The following ANKS1B variants were observed in gnomAD, a reference collection of about 807,000 sequenced individuals.
ANKS1B encodes ankyrin repeat and sterile alpha motif domain containing 1B.
A neutral mutation model predicts 148.3 loss-of-function variants in ANKS1B; 36 were observed. The ratio of observed to expected loss-of-function variants is 0.24; its 90% CI spans 0.19 to 0.32. ANKS1B has a LOEUF of 0.32. Ranked by LOEUF, ANKS1B falls within the 10% of genes least tolerant of loss-of-function variation. The probability of loss-of-function intolerance (pLI) is 1.00; values close to 1 mark genes in which losing one functional copy is unlikely to be tolerated. For synonymous variants in ANKS1B, 542 were observed against 560.8 expected, an observed-to-expected ratio of 0.97 and a Z score of 0.47; for missense variants, 1,157 against 1,542.6, an observed-to-expected ratio of 0.75 and a Z score of 4.19.
intron 14 of ANKS1B, among the ~76,000 whole-genome samples, chr12:99,241,002 G>A (rs1262677131): frequency 6.6e-6 from 1 of 152,042 alleles, no homozygotes; most frequent in African/African-American, 2.4e-5. Flanking sequence ...AGAAACAAGA[G>A]CAAACAAATT....
chr12:99,373,216 G>A (rs2093233657), intron 12 of ANKS1B, among the ~76,000 whole-genome samples: 1 of 152,122 alleles, frequency 6.6e-6, no homozygotes, highest in Non-Finnish European at 1.5e-5. Flanking sequence ...TGTTCCCAAG[G>A]AAAGGGCAGG....
chr12:99,360,814 C>T (rs1013890916), intron 12 of ANKS1B, among the ~76,000 whole-genome samples: 3 of 151,982 alleles, frequency 2.0e-5, no homozygotes, highest in African/African-American at 4.8e-5. Flanking sequence ...TAAGATTTTG[C>T]GGTTTACTGG....
chr12:99,061,851 T>A (rs1240792181), intron 16 of ANKS1B, among the ~76,000 whole-genome samples: 1 of 152,204 alleles, frequency 6.6e-6, no homozygotes, highest in Non-Finnish European at 1.5e-5. Context: ...AAGCTTCATT[T>A]CCTTTAACTG....
At chr12:99,344,593 A>C (rs1259563006) in intron 12 of ANKS1B, among the ~76,000 whole-genome samples, 1 of 152,080 alleles carries the variant, frequency 6.6e-6, no homozygotes. Context: ...TAGATATCAA[A>C]GATTTATAAT....
In ANKS1B at chr12:99,139,430, C is replaced by CT. The variant is rs1368347401; in HGVS notation, c.2526+14858dup. ...TCTTTCTTTCTTTCTTTCTTTCTTT[C>CT]TTTCTTTCTTTTTCTTTCTTTCTTT... is the stretch of plus-strand genomic sequence containing the variant. On this transcript the variant is annotated intron_variant, in intron 15 of 26. Coordinates refer to ENST00000683438, the MANE Select transcript of ANKS1B (RefSeq NM_001352186.2). Among the ~76,000 whole-genome samples, 5 of 9,250 alleles carry CT rather than the reference C, an allele frequency of 5.4e-4. 1 individual carries two copies. In the African/African-American group the frequency reaches 9.7e-3, roughly 18 times the overall value. 6.1% of individuals were successfully genotyped at this position (9,250 alleles called of 152,430 possible).
intron 12 of ANKS1B, among the ~76,000 whole-genome samples, chr12:99,321,969 A>T (rs766639802): frequency 8.5e-5 from 13 of 152,204 alleles, no homozygotes; most frequent in Non-Finnish European, 1.6e-4. Context: ...AAGATCTAGA[A>T]GCAGAAATAC....
chr12:99,066,369 G>T (rs1025961307), intron 16 of ANKS1B, among the ~76,000 whole-genome samples: 1 of 152,030 alleles, frequency 6.6e-6, no homozygotes, highest in African/African-American at 2.4e-5. Flanking sequence ...CTGTGTTGAG[G>T]GTGAAGATTT....
At chr12:99,576,872 A>G (rs376749394) in intron 9 of ANKS1B, among the ~76,000 whole-genome samples, 11 of 151,952 alleles carry the variant, frequency 7.2e-5, no homozygotes, top group African/African-American at 2.7e-4. Context: ...GGTACTGAGC[A>G]TAGTACCCAA....
intron 9 of ANKS1B, among the ~76,000 whole-genome samples, chr12:99,621,458 T>A (rs1598295315): frequency 1.5e-5 from 2 of 136,892 alleles, no homozygotes; most frequent in African/African-American, 2.9e-5. Flanking sequence ...GAGAGGCAAA[T>A]TGGAAAAAAA....
chr12:99,438,941 A>T (rs954536646), intron 11 of ANKS1B, among the ~76,000 whole-genome samples: 1 of 151,906 alleles, frequency 6.6e-6, no homozygotes, highest in Non-Finnish European at 1.5e-5. Flanking sequence ...TTATAAGATG[A>T]CATAAAAGAA....
At chr12:98,935,622 G>A (rs1431109471) in intron 17 of ANKS1B, among the ~76,000 whole-genome samples, 2 of 152,154 alleles carry the variant, frequency 1.3e-5, no homozygotes, top group Admixed American at 1.3e-4. Context: ...TCTTTGTTAG[G>A]AGGTTTTTAT....
In ANKS1B at chr12:99,957,964, T is replaced by G. The variant is rs116111040; in HGVS notation, c.134+26140A>C. Among the ~76,000 whole-genome samples, 411 of 152,326 alleles carry G rather than the reference T, an allele frequency of 2.7e-3. 1 individual carries two copies. Among genetic ancestry groups the G allele is most frequent in the African/African-American group, 9.5e-3 (394 of 41,574 alleles). ...ACCAAAGTTTCAGACTTAAAGGAAC[T>G]CATTGTCTAGTGGGAAGGCAAACAT... is the stretch of plus-strand genomic sequence containing the variant. On this transcript the variant is annotated intron_variant, in intron 1 of 26. Coordinates refer to ENST00000683438, the MANE Select transcript of ANKS1B (RefSeq NM_001352186.2).
In ANKS1B at chr12:99,335,856, T is replaced by G. The variant is rs1603099910; in HGVS notation, c.1756+63775A>C. ...TAGCTATCTCTTCAATATACTAATT[T>G]CCTTTCCTTGGGGAATATACTTAGC... On this transcript the variant is annotated intron_variant, in intron 12 of 26. Coordinates refer to ENST00000683438, the MANE Select transcript of ANKS1B (RefSeq NM_001352186.2). Among the ~76,000 whole-genome samples the G allele has an allele frequency of 2.0e-5, 3 of 152,274 alleles. No individual in the cohort carries two copies. In the South Asian group the frequency reaches 6.2e-4, roughly 32 times the overall value.
At chr12:99,271,566 C>T (rs1334684929) in intron 12 of ANKS1B, among the ~76,000 whole-genome samples, 1 of 149,168 alleles carries the variant, frequency 6.7e-6, no homozygotes, top group Non-Finnish European at 1.5e-5. Context: ...AGAGAAGGGG[C>T]CATAACATCA....
chr12:99,653,846 TA>T (rs1486565056), intron 9 of ANKS1B, among the ~76,000 whole-genome samples: 1 of 152,046 alleles, frequency 6.6e-6, no homozygotes, highest in Admixed American at 6.6e-5. Context: ...GTATTTTTTG[TA>T]GAGACAAGGT....
chr12:99,607,162 G>A (rs532111373), intron 9 of ANKS1B, among the ~76,000 whole-genome samples: 19 of 152,134 alleles, frequency 1.2e-4, no homozygotes, highest in African/African-American at 4.1e-4. Context: ...CAGCCTAGGC[G>A]CTGCAGAAAC....
intron 15 of ANKS1B, among the ~76,000 whole-genome samples, chr12:99,111,344 A>G (rs2060245512): frequency 6.6e-6 from 1 of 152,166 alleles, no homozygotes; most frequent in Non-Finnish European, 1.5e-5. Flanking sequence ...GGCTTATATA[A>G]TATTAAAAGG....
intron 17 of ANKS1B, among the ~76,000 whole-genome samples, chr12:98,835,605 C>G (rs562996601): frequency 6.6e-6 from 1 of 152,306 alleles, no homozygotes; most frequent in South Asian, 2.1e-4. Context: ...AAAGAATATG[C>G]TCTTCTGCCA....
At chr12:99,130,524 G>A (rs979753535) in intron 15 of ANKS1B, among the ~76,000 whole-genome samples, 4 of 151,960 alleles carry the variant, frequency 2.6e-5, no homozygotes, top group South Asian at 2.1e-4. Flanking sequence ...GCAATATCCC[G>A]GACTCTTCTC....
Sources: allele counts gnomAD v4.1 joint callset (sites outside exome capture counted in the v4.1 genomes callset), GRCh38; gene constraint gnomAD v4.1.1; transcripts MANE v1.5; gene names NCBI Gene and HGNC (gene_info 2026-07-23, HGNC 2026-07-21).